Variants in ABCD3 observed in about 807,000 individuals in gnomAD.
The protein encoded by ABCD3 is ATP-binding cassette sub-family D member 3.
Under a neutral mutation model 105.5 loss-of-function variants are expected in ABCD3, and 41 were observed. The observed-to-expected ratio is 0.39, with a 90% CI of 0.30 to 0.50. ABCD3 has a LOEUF of 0.50. Ranked by LOEUF, ABCD3 falls within the 20% of genes least tolerant of loss-of-function variation. The pLI is 0.84. For missense variants in ABCD3, 622 were observed against 806.3 expected, an observed-to-expected ratio of 0.77 and a Z score of 2.77; for synonymous variants, 258 against 269.0, an observed-to-expected ratio of 0.96 and a Z score of 0.40.
intron 1 of ABCD3, among the ~76,000 whole-genome samples, chr1:94,455,380 C>T (rs988614475): frequency 1.2e-4 from 18 of 149,676 alleles, no homozygotes; most frequent in Admixed American, 2.7e-4. Flanking sequence ...GGCTGGAGTG[C>T]GATGGCACGA....
chr1:94,499,781 T>A (rs1433564505), intron 20 of ABCD3, among the ~76,000 whole-genome samples, 167 bp downstream of exon 20: 1 of 152,164 alleles, frequency 6.6e-6, no homozygotes, highest in African/African-American at 2.4e-5. Flanking sequence ...GCATGTAAAT[T>A]TGGAATTCTG....
chr1:94,458,771 C>A, intron 2 of ABCD3, 128 bp downstream of exon 2: 1 of 885,938 alleles, frequency 1.1e-6, no homozygotes, highest in Non-Finnish European at 1.8e-6. Context: ...GTCTTCTACA[C>A]ATTACAGGAA....
At chr1:94,503,758 TG>T (rs1426768456) in intron 20 of ABCD3, among the ~76,000 whole-genome samples, 1 of 151,992 alleles carries the variant, frequency 6.6e-6, no homozygotes, top group Non-Finnish European at 1.5e-5. Context: ...CATATATAAG[TG>T]TCAAGTACAT....
At chr1:94,387,821 A>G in the ABCD3 span, among the ~76,000 whole-genome samples, 1 of 152,228 alleles carries the variant, frequency 6.6e-6, no homozygotes, top group Non-Finnish European at 1.5e-5. Context: ...GTGACAGTGA[A>G]TGATGGCCTC....
At chr1:94,471,394 C>T (rs1648450688) in intron 4 of ABCD3, among the ~76,000 whole-genome samples, 1 of 147,214 alleles carries the variant, frequency 6.8e-6, no homozygotes, top group Non-Finnish European at 1.5e-5. Context: ...TTCGTCTTTA[C>T]AAAATATAAA....
At chr1:94,512,725 C>T (rs1332552197) in intron 21 of ABCD3, among the ~76,000 whole-genome samples, 1 of 151,990 alleles carries the variant, frequency 6.6e-6, no homozygotes, top group East Asian at 1.9e-4. Context: ...AGTAATTATT[C>T]AATAGTATCA....
intron 10 of ABCD3, among the ~76,000 whole-genome samples, chr1:94,484,953 A>G (rs1012140876): frequency 6.6e-6 from 1 of 152,208 alleles, no homozygotes. Flanking sequence ...GCAAGATAGT[A>G]TGTATATATT....
chr1:94,404,138 T>G, the ABCD3 span, among the ~76,000 whole-genome samples: 1 of 152,176 alleles, frequency 6.6e-6, no homozygotes, highest in East Asian at 1.9e-4. Context: ...TCTTTTTGGT[T>G]TTCTCCTACT....
rs33917832 is a variant in ABCD3, at chr1:94,433,628, G to GTTT, written c.110+15054_110+15056dup. 2.5e-3 allele frequency among the ~76,000 whole-genome samples: 336 copies of GTTT among 136,138 alleles called. 3 individuals are homozygous for GTTT. Among genetic ancestry groups the GTTT allele is most frequent in the Admixed American group, 9.2e-3 (124 of 13,460 alleles). The allele number at this position is 136,138 out of a possible 152,430, so 89.3% of individuals were successfully genotyped here. On this transcript the variant is annotated intron_variant, in intron 1 of 22. Coordinates refer to ENST00000370214, the MANE Select transcript of ABCD3 (RefSeq NM_002858.4). ...ATAGGCAGTTGTAACACAATGGTCAGTTTTTTTTTTTTTTTTGTCTAAACA... is the reference window on the plus strand; with the variant it reads ...ATAGGCAGTTGTAACACAATGGTCAGTTTTTTTTTTTTTTTTTTTGTCTAAACA...
the ABCD3 span, among the ~76,000 whole-genome samples, chr1:94,387,468 C>T: frequency 6.6e-6 from 1 of 152,164 alleles, no homozygotes; most frequent in African/African-American, 2.4e-5. Flanking sequence ...ATATTTCTCC[C>T]ATTTTCCTTC....
intron 4 of ABCD3, 24 bp downstream of exon 4, chr1:94,468,031 C>T (rs951878176): frequency 4.0e-6 from 6 of 1,505,680 alleles, no homozygotes; most frequent in Non-Finnish European, 4.6e-6. Context: ...CACCTTCCTC[C>T]TATATGTATG....
intron 1 of ABCD3, 33 bp downstream of exon 1, chr1:94,418,621 G>T (rs1226152735): frequency 3.9e-6 from 6 of 1,554,344 alleles, no homozygotes; most frequent in Non-Finnish European, 1.7e-6. Flanking sequence ...AGCTTTCCCG[G>T]GCTGGAGCGG....
the ABCD3 span, among the ~76,000 whole-genome samples, chr1:94,392,705 T>C: frequency 6.6e-6 from 1 of 152,184 alleles, no homozygotes; most frequent in South Asian, 2.1e-4. Context: ...CCATTTTTTT[T>C]AATCAAAGTG....
In ABCD3 at chr1:94,453,467, C is replaced by T. The variant is rs531847355; in HGVS notation, c.111-5140C>T. ...TTGAGTAGCTGGGACTACAGGTGCC[C>T]GCCACCTCGCCTGGCTAATTTTTTG... On this transcript the variant is annotated intron_variant, in intron 1 of 22. Coordinates refer to ENST00000370214, the MANE Select transcript of ABCD3 (RefSeq NM_002858.4). 1.4e-4 allele frequency among the ~76,000 whole-genome samples: 21 copies of T among 151,694 alleles called. No individual in the cohort carries two copies. The East Asian group carries it at 2.3e-3, about 17-fold the overall frequency.
chr1:94,385,352 C>T, the ABCD3 span, among the ~76,000 whole-genome samples: 2 of 152,032 alleles, frequency 1.3e-5, no homozygotes, highest in African/African-American at 4.8e-5. Flanking sequence ...TCTGATTTTA[C>T]AACATGTGAG....
chr1:94,506,691 G>T, intron 21 of ABCD3, 49 bp downstream of exon 21: 2 of 1,316,160 alleles, frequency 1.5e-6, no homozygotes, highest in Non-Finnish European at 2.2e-6. Flanking sequence ...CCTACCTAGT[G>T]TAAACTATGT....
At chr1:94,458,188 TG>T (rs1230370407) in intron 1 of ABCD3, among the ~76,000 whole-genome samples, 1 of 152,184 alleles carries the variant, frequency 6.6e-6, no homozygotes. Context: ...CTCACATGGT[TG>T]GGGAAAGATT....
the ABCD3 span, among the ~76,000 whole-genome samples, chr1:94,396,680 T>G: frequency 6.6e-6 from 1 of 152,212 alleles, no homozygotes; most frequent in Non-Finnish European, 1.5e-5. Flanking sequence ...TATAGTTACA[T>G]AAATATAACA....
chr1:94,414,785 A>C (rs540809137), upstream of ABCD3, among the ~76,000 whole-genome samples: 32 of 152,244 alleles, frequency 2.1e-4, no homozygotes, highest in African/African-American at 7.0e-4. Flanking sequence ...CTTCTTCGGA[A>C]TCCTCTTTTT....
Sources: gnomAD v4.1 joint callset for allele counts (sites outside exome capture counted in the v4.1 genomes callset) on GRCh38, gnomAD v4.1.1 for gene constraint, MANE v1.5 for transcripts, NCBI Gene and HGNC (gene_info 2026-07-23, HGNC 2026-07-21) for gene names.